The following OTOGL variants were observed in gnomAD, a reference collection of about 807,000 sequenced individuals.
The protein encoded by OTOGL is otogelin like, also known as otogelin-like protein.
OTOGL carries 285 observed loss-of-function variants against 318.5 expected under a neutral mutation model. The observed-to-expected ratio is 0.89, with a 90% confidence interval of 0.81 to 0.99. The LOEUF (loss-of-function observed/expected upper bound fraction) is 0.99. OTOGL is among the 50% of genes least tolerant of loss of function. OTOGL has a pLI of 0.00. For missense variants in OTOGL, 2,899 were observed against 2,845.6 expected, an observed-to-expected ratio of 1.02 and a Z score of -0.43; for synonymous variants, 987 against 936.5, an observed-to-expected ratio of 1.05 and a Z score of -0.99.
At chr12:80,364,401 A>T (rs1890407443) in intron 52 of OTOGL, among the ~76,000 whole-genome samples, 1 of 152,316 alleles carries the variant, frequency 6.6e-6, no homozygotes, top group Non-Finnish European at 1.5e-5. Context: ...TTTTAAAATA[A>T]TAACTTTATT....
intron 42 of OTOGL, among the ~76,000 whole-genome samples, chr12:80,337,417 T>A (rs924011468): frequency 6.6e-6 from 1 of 151,440 alleles, no homozygotes. Context: ...ATAGAAGGAG[T>A]GGGTTTGAAG....
rs777809657 is a variant in OTOGL at position 80,326,322 on chromosome 12, G to A, written c.4200-2343G>A. On this transcript the variant is annotated intron_variant, in intron 35 of 58. Transcript: ENST00000547103. Reference sequence around the variant, plus strand: ...ACCATAGAGCACATATGTAAATACTGTTATTCCTATTATCTAATATGCCTA... The same window carrying A: ...ACCATAGAGCACATATGTAAATACTATTATTCCTATTATCTAATATGCCTA... Among the ~76,000 whole-genome samples the A allele has an allele frequency of 5.2e-4, 79 of 151,998 alleles. 1 individual carries two copies. The highest frequency in any genetic ancestry group is 5.9e-4 in the Admixed American group (9 of 15,240).
intron 29 of OTOGL, among the ~76,000 whole-genome samples, chr12:80,306,599 G>A (rs1223920328): frequency 1.3e-5 from 2 of 151,782 alleles, no homozygotes; most frequent in African/African-American, 4.8e-5. Context: ...TTTTGAGTGT[G>A]GTCTAAGCTT....
At chr12:80,320,138 C>T (rs1469847337) in intron 33 of OTOGL, among the ~76,000 whole-genome samples, 1 of 151,912 alleles carries the variant, frequency 6.6e-6, no homozygotes, top group Non-Finnish European at 1.5e-5. Flanking sequence ...ATTGACATTT[C>T]CTTTTTTCCC....
intron 1 of OTOGL, among the ~76,000 whole-genome samples, chr12:80,172,611 T>C (rs1874278856): frequency 6.6e-6 from 1 of 152,048 alleles, no homozygotes; most frequent in Non-Finnish European, 1.5e-5. Context: ...TCTATGTTTT[T>C]TTTTTCCTAT....
chr12:80,142,587 A>G (rs1171812756), intron 1 of OTOGL, among the ~76,000 whole-genome samples: 2 of 152,092 alleles, frequency 1.3e-5, no homozygotes, highest in Non-Finnish European at 2.9e-5. Context: ...CTATTCCTTC[A>G]CCACTATCCC....
Position 80,279,116 on chromosome 12 carries a change from G to C in OTOGL, c.2878G>C (p.Asp960His). ...CGGGGACCGACATTATTATTCTTTT[G>C]ATGGACTAGAATATGACTATATCAG... is the stretch of plus-strand genomic sequence containing the variant. ...IYGDRHYYSF[D>H]GLEYDYISDC... The change falls in exon 26 of 59, where the codon GAT becomes CAT. Residue 960 changes from aspartate (D) to histidine (H), a missense_variant. By Grantham distance (81) the Asp-to-His change is moderately conservative. Around this residue, in one of 3 missense-constraint regions of OTOGL, gnomAD observed 2,607 missense variants for 2,524.9 expected, o/e 1.03. Coordinates refer to ENST00000547103, the MANE Select transcript of OTOGL (RefSeq NM_001378609.3). 6.3e-7 allele frequency: 1 copy of C among 1,592,868 alleles called. No homozygotes were observed. The highest frequency in any genetic ancestry group is 8.5e-7 in the Non-Finnish European group (1 of 1,175,048).
At chr12:80,339,370 T>C in intron 43 of OTOGL, 106 bp downstream of exon 43, 1 of 939,356 alleles carries the variant, frequency 1.1e-6, no homozygotes. Flanking sequence ...ATTTTTCAGA[T>C]TTGAGATGTG....
intron 1 of OTOGL, among the ~76,000 whole-genome samples, chr12:80,147,007 T>A (rs1872424379): frequency 6.6e-6 from 1 of 152,082 alleles, no homozygotes; most frequent in Non-Finnish European, 1.5e-5. Flanking sequence ...AAAAACCAGC[T>A]CCTGGATTCA....
intron 45 of OTOGL, among the ~76,000 whole-genome samples, chr12:80,352,683 G>C (rs967536710): frequency 6.6e-6 from 1 of 152,088 alleles, no homozygotes; most frequent in Non-Finnish European, 1.5e-5. Flanking sequence ...CTATTCAAGA[G>C]GGGCATTGCT....
rs775712025 is a variant in OTOGL, at chr12:80,367,752, T to G, written c.6510+13T>G. 11 of 1,354,778 alleles carry G rather than the reference T, an allele frequency of 8.1e-6. No homozygotes were observed. The South Asian group carries it at 1.8e-4, about 23-fold the overall frequency. 83.9% of individuals were successfully genotyped at this position (1,354,778 alleles called of 1,614,324 possible). ...AAAATGTGATGTTGTAAGTATTCCT[T>G]GTAATTTATTCTGGTGAGAGTTAAT... is the stretch of plus-strand genomic sequence containing the variant. On this transcript the variant is annotated intron_variant, in intron 54 of 58. Coordinates refer to ENST00000547103, the MANE Select transcript of OTOGL (RefSeq NM_001378609.3).
In OTOGL at chr12:80,305,430, C is replaced by T. The variant is rs1352092835; in HGVS notation, c.3214-146C>T. On this transcript the variant is annotated intron_variant, in intron 28 of 58. Transcript: ENST00000547103. Reference sequence around the variant, plus strand: ...ATAATTAAATTGGTATGAGAAAATCCACTTTCTTCAAGTTAATTTTTAAAA... The same window carrying T: ...ATAATTAAATTGGTATGAGAAAATCTACTTTCTTCAAGTTAATTTTTAAAA... The T allele has an allele frequency of 5.3e-6, 4 of 756,472 alleles. No homozygotes were observed. The African/African-American group carries it at 7.3e-5, about 14-fold the overall frequency. The allele number at this position is 756,472 out of a possible 1,614,324, so 46.9% of individuals were successfully genotyped here. A position where few individuals can be genotyped will look rare whatever the true frequency, so the allele number is the denominator to read the frequency against.
chr12:80,302,887 G>C, intron 28 of OTOGL, 104 bp downstream of exon 28: 3 of 1,084,228 alleles, frequency 2.8e-6, no homozygotes, highest in Non-Finnish European at 3.6e-6. Flanking sequence ...TAAGAACTAG[G>C]TTATATTTCC....
intron 1 of OTOGL, among the ~76,000 whole-genome samples, chr12:80,130,603 G>C (rs1871178241): frequency 6.6e-6 from 1 of 152,150 alleles, no homozygotes; most frequent in South Asian, 2.1e-4. Context: ...GAGGGTGTGG[G>C]GATGAGAAGG....
chr12:80,262,088 A>G lies in OTOGL; in HGVS notation c.2009A>G (p.Gln670Arg), dbSNP rs1180086639. 4.4e-6 allele frequency: 7 copies of G among 1,605,264 alleles called. No homozygotes were observed. Among genetic ancestry groups the G allele is most frequent in the East Asian group, 2.2e-5 (1 of 44,654 alleles). ...GTGGACCCCTGTAACATCAATCAAC[A>G]AAACAGTAAGTTTTGCATGTAAACT... ...PVVDPCNINQ[Q>R]NIGYAAHCDV... is the part of the protein sequence containing the mutation. Residue 670 changes from glutamine to arginine, a missense_variant, in exon 19 of 59, where the codon CAA (glutamine) becomes CGA (arginine). This residue lies in a region of OTOGL where 2,607 missense variants were observed against 2,524.9 expected (regional missense o/e 1.03). Coordinates refer to ENST00000547103, the MANE Select transcript of OTOGL (RefSeq NM_001378609.3).
At chr12:80,108,712 C>A (rs1173547892) in intron 1 of OTOGL, among the ~76,000 whole-genome samples, 2 of 148,004 alleles carry the variant, frequency 1.4e-5, no homozygotes, top group African/African-American at 5.0e-5. Context: ...TTCTCCCCCA[C>A]CTCCTTTCTT....
chr12:80,169,769 A>G (rs1874064807), intron 1 of OTOGL, among the ~76,000 whole-genome samples: 1 of 152,272 alleles, frequency 6.6e-6, no homozygotes, highest in East Asian at 1.9e-4. Context: ...ACATGCAATC[A>G]TACAGTATGT....
intron 57 of OTOGL, among the ~76,000 whole-genome samples, chr12:80,373,584 T>G (rs1193420074): frequency 6.6e-6 from 1 of 152,008 alleles, no homozygotes; most frequent in Non-Finnish European, 1.5e-5. Context: ...TAGTCTTATA[T>G]TTTTAGATAT....
chr12:80,336,703 C>A (rs778996278), intron 40 of OTOGL, 94 bp from the exon 41 acceptor site: 205 of 1,404,856 alleles, frequency 1.5e-4, no homozygotes, highest in Non-Finnish European at 1.8e-4. Context: ...TTCTGAAAAC[C>A]TTTCTTATCA....
Sources: allele counts gnomAD v4.1 joint callset (sites outside exome capture counted in the v4.1 genomes callset), GRCh38; gene constraint gnomAD v4.1.1; regional missense constraint gnomAD v4.1.1; transcripts MANE v1.5; gene names NCBI Gene and HGNC (gene_info 2026-07-23, HGNC 2026-07-21).